The following ST8SIA1 variants were observed in gnomAD, a reference collection of about 807,000 sequenced individuals.
The protein encoded by ST8SIA1 is ST8 alpha-N-acetyl-neuraminide alpha-2,8-sialyltransferase 1, also known as alpha-N-acetylneuraminide alpha-2,8-sialyltransferase.
A neutral mutation model predicts 35.9 loss-of-function variants in ST8SIA1; 16 were observed. The observed-to-expected ratio is 0.45, with a 90% CI of 0.30 to 0.68. ST8SIA1 has a LOEUF of 0.68. ST8SIA1 is among the 30% of genes least tolerant of loss of function. The pLI, the probability that ST8SIA1 is intolerant of heterozygous loss-of-function variation, is 0.09. For missense variants in ST8SIA1, 383 were observed against 453.6 expected, an observed-to-expected ratio of 0.84 and a Z score of 1.41; for synonymous variants, 170 against 169.6, an observed-to-expected ratio of 1.00 and a Z score of -0.02.
At chr12:22,306,300 C>T (rs1337046136) in intron 1 of ST8SIA1, among the ~76,000 whole-genome samples, 1 of 152,190 alleles carries the variant, frequency 6.6e-6, no homozygotes, top group Non-Finnish European at 1.5e-5. Context: ...GCAAAATCAA[C>T]TTTCTAAGTT....
At chr12:22,300,547 T>A (rs975490143) in intron 1 of ST8SIA1, among the ~76,000 whole-genome samples, 1 of 152,188 alleles carries the variant, frequency 6.6e-6, no homozygotes, top group Non-Finnish European at 1.5e-5. Flanking sequence ...TATCTCATGG[T>A]CAAGATTACA....
intron 1 of ST8SIA1, among the ~76,000 whole-genome samples, chr12:22,321,703 G>A (rs1026237696): frequency 2.0e-5 from 3 of 152,216 alleles, no homozygotes; most frequent in Non-Finnish European, 4.4e-5. Context: ...GCGGGGTGGA[G>A]GTCAGGAGGT....
chr12:22,275,323 G>A (rs1180062446), intron 2 of ST8SIA1, among the ~76,000 whole-genome samples: 9 of 152,184 alleles, frequency 5.9e-5, no homozygotes, highest in Admixed American at 5.9e-4. Flanking sequence ...AGAGGCCAAG[G>A]GCGGGTGTAT....
At chr12:22,266,502 A>AATAT (rs34168353) in intron 2 of ST8SIA1, among the ~76,000 whole-genome samples, 40 of 150,262 alleles carry the variant, frequency 2.7e-4, no homozygotes, top group South Asian at 8.5e-4. Context: ...TTAAAAAAAA[A>AATAT]ATATATATAT....
chr12:22,331,116 A>G (rs777881425), intron 1 of ST8SIA1, among the ~76,000 whole-genome samples: 5 of 152,366 alleles, frequency 3.3e-5, no homozygotes, highest in Non-Finnish European at 5.9e-5. Flanking sequence ...GAGCTAGAAG[A>G]AGAAAATTAC....
chr12:22,294,569 T>C (rs1866220563), intron 1 of ST8SIA1, among the ~76,000 whole-genome samples: 1 of 152,238 alleles, frequency 6.6e-6, no homozygotes, highest in Admixed American at 6.5e-5. Flanking sequence ...TCTTATCCAC[T>C]ACTTAAGCCA....
chr12:22,217,715 C>T (rs1156664974), intron 4 of ST8SIA1, among the ~76,000 whole-genome samples: 2 of 152,206 alleles, frequency 1.3e-5, no homozygotes, highest in Non-Finnish European at 2.9e-5. Context: ...AGTCTTACAA[C>T]TACTAGCTTT....
rs367756301 is a variant in ST8SIA1 at position 22,333,981 on chromosome 12, G to A, written c.236+16C>T. ...GAAAGGACGCTAGAGGGGAGGAGCC[G>A]CGAGGGCAGGAGTACCTGAACGCTC... On this transcript the variant is annotated intron_variant, in intron 1 of 4. Coordinates refer to ENST00000396037, the MANE Select transcript of ST8SIA1 (RefSeq NM_003034.4). 2 of 1,610,390 alleles carry A rather than the reference G, an allele frequency of 1.2e-6. No individual in the cohort carries two copies. Among genetic ancestry groups the A allele is most frequent in the Non-Finnish European group, 1.7e-6 (2 of 1,177,312 alleles).
chr12:22,290,062 A>G (rs766197476), intron 1 of ST8SIA1, among the ~76,000 whole-genome samples: 3 of 152,206 alleles, frequency 2.0e-5, no homozygotes, highest in Non-Finnish European at 4.4e-5. Flanking sequence ...GTGGGGGAAA[A>G]CAAATACGCC....
rs534539123 is a variant in ST8SIA1, at chr12:22,200,628, G to C, written c.*924C>G. The C allele has an allele frequency of 1.3e-5, 2 of 152,164 alleles. No homozygotes were observed. Among genetic ancestry groups the C allele is most frequent in the South Asian group, 4.2e-4 (2 of 4,814 alleles). The allele number at this position is 152,164 out of a possible 1,614,324, so 9.4% of individuals were successfully genotyped here. ...TAGATAGAAAAGGGATTTGTCTTCT[G>C]GTCTGTCTTCCACAGAGACTAAGCT... is the stretch of plus-strand genomic sequence containing the variant. On this transcript the variant is annotated 3_prime_UTR_variant, in exon 5 of 5. Transcript: ENST00000396037.
chr12:22,216,457 G>C (rs1161008567), intron 4 of ST8SIA1, among the ~76,000 whole-genome samples: 1 of 152,130 alleles, frequency 6.6e-6, no homozygotes, highest in Admixed American at 6.5e-5. Context: ...TACTTGTTCT[G>C]TCTAAAGTGA....
chr12:22,284,411 G>A (rs1866072329), intron 2 of ST8SIA1, among the ~76,000 whole-genome samples: 1 of 152,094 alleles, frequency 6.6e-6, no homozygotes, highest in Non-Finnish European at 1.5e-5. Flanking sequence ...CTTCCCACTG[G>A]GAACATAAAT....
intron 4 of ST8SIA1, among the ~76,000 whole-genome samples, chr12:22,224,316 C>CTTT (rs11434182): frequency 6.9e-6 from 1 of 144,978 alleles, no homozygotes; most frequent in Non-Finnish European, 1.5e-5. Context: ...TATATTTATA[C>CTTT]TTTTTTTTTT....
intron 4 of ST8SIA1, among the ~76,000 whole-genome samples, chr12:22,205,226 T>G (rs993153871): frequency 6.6e-6 from 1 of 152,216 alleles, no homozygotes; most frequent in Non-Finnish European, 1.5e-5. Flanking sequence ...ACAAGTTCTA[T>G]TCATCCTTTA....
intron 2 of ST8SIA1, among the ~76,000 whole-genome samples, chr12:22,272,465 C>T (rs972341128): frequency 2.6e-5 from 4 of 152,156 alleles, no homozygotes; most frequent in Admixed American, 2.6e-4. Context: ...AAAATTATTA[C>T]TGTCTCTGGC....
intron 2 of ST8SIA1, among the ~76,000 whole-genome samples, chr12:22,273,910 C>T (rs947022445): frequency 6.6e-6 from 1 of 152,114 alleles, no homozygotes; most frequent in East Asian, 1.9e-4. Context: ...CAATCAAATA[C>T]TTATAGAATT....
intron 1 of ST8SIA1, among the ~76,000 whole-genome samples, chr12:22,299,792 C>T (rs547422879): frequency 6.6e-6 from 1 of 152,064 alleles, no homozygotes; most frequent in South Asian, 2.1e-4. Context: ...GTTTTCTCTC[C>T]CCTTTTAAAA....
chr12:22,253,893 C>T (rs949970473), intron 3 of ST8SIA1, among the ~76,000 whole-genome samples: 2 of 152,152 alleles, frequency 1.3e-5, no homozygotes. Flanking sequence ...ACTTAGCCCC[C>T]ACAAGTACAT....
At chr12:22,289,275 A>T (rs1866145462) in intron 1 of ST8SIA1, among the ~76,000 whole-genome samples, 1 of 149,670 alleles carries the variant, frequency 6.7e-6, no homozygotes, top group Admixed American at 6.7e-5. Context: ...CCTAAGAGAT[A>T]ATTAAGGGTA....
Sources: gnomAD v4.1 joint callset for allele counts (sites outside exome capture counted in the v4.1 genomes callset) on GRCh38, gnomAD v4.1.1 for gene constraint, MANE v1.5 for transcripts, NCBI Gene and HGNC (gene_info 2026-07-23, HGNC 2026-07-21) for gene names.